Variants in MEI4 observed in about 807,000 individuals in gnomAD.
MEI4 encodes meiosis-specific protein MEI4.
In MEI4, 27 loss-of-function variants were observed where a neutral mutation model predicts 31.4. The ratio of observed to expected loss-of-function variants is 0.86; its 90% CI spans 0.63 to 1.19. The LOEUF (loss-of-function observed/expected upper bound fraction) is 1.19. Ranked by LOEUF, MEI4 falls within the 50% of genes most tolerant of loss-of-function variation. The probability of loss-of-function intolerance (pLI) is 0.00; values close to 1 mark genes in which losing one functional copy is unlikely to be tolerated. For missense variants in MEI4, 329 were observed against 398.9 expected (o/e 0.82, Z 1.49); for synonymous variants, 122 against 145.4 (o/e 0.84, Z 1.16).
rs368086628 is a variant in MEI4 at position 77,920,665 on chromosome 6, C to A, written c.901-2424C>A. Among the ~76,000 whole-genome samples, 6 of 151,906 alleles carry A rather than the reference C, an allele frequency of 3.9e-5. No individual in the cohort carries two copies. The East Asian group carries it at 1.2e-3, about 29-fold the overall frequency. On this transcript the variant is annotated intron_variant, in intron 4 of 4. Coordinates refer to ENST00000684080, the MANE Select transcript of MEI4 (RefSeq NM_001322247.2). ...GAATCAATATCCATGTTAGCTATAG[C>A]CTTATAAAATAAGTTTCTTAAATAA...
At chr6:77,826,379 C>T (rs1019860167) in intron 3 of MEI4, among the ~76,000 whole-genome samples, 2 of 152,168 alleles carry the variant, frequency 1.3e-5, no homozygotes, top group Admixed American at 6.5e-5. Context: ...GAGTAGGCTA[C>T]AGACTCCATA....
chr6:77,784,172 T>C (rs1018181770), intron 3 of MEI4, among the ~76,000 whole-genome samples: 33 of 152,186 alleles, frequency 2.2e-4, no homozygotes, highest in African/African-American at 7.7e-4. Context: ...CTAATGCTTA[T>C]TGTTCATGGA....
chr6:77,830,645 G>A (rs1770056057), intron 4 of MEI4, among the ~76,000 whole-genome samples: 1 of 152,012 alleles, frequency 6.6e-6, no homozygotes, highest in Non-Finnish European at 1.5e-5. Context: ...AAGGAGTTTT[G>A]CATTGGCCAA....
At chr6:77,715,932 T>C (rs1766572529) in intron 2 of MEI4, among the ~76,000 whole-genome samples, 1 of 152,262 alleles carries the variant, frequency 6.6e-6, no homozygotes, top group African/African-American at 2.4e-5. Context: ...GATATATTTT[T>C]ACACAGTTTT....
intron 2 of MEI4, among the ~76,000 whole-genome samples, chr6:77,738,445 C>T (rs1767312339): frequency 6.6e-6 from 1 of 152,064 alleles, no homozygotes; most frequent in African/African-American, 2.4e-5. Context: ...ATTAGTCTAG[C>T]TAGTGCTGTA....
At chr6:77,785,053 C>G (rs755024837) in intron 3 of MEI4, among the ~76,000 whole-genome samples, 2 of 152,048 alleles carry the variant, frequency 1.3e-5, no homozygotes, top group Non-Finnish European at 2.9e-5. Context: ...TCCCCGTCAG[C>G]TAATCATTTG....
chr6:77,732,559 C>G (rs1030429327), intron 2 of MEI4, among the ~76,000 whole-genome samples: 4 of 152,004 alleles, frequency 2.6e-5, no homozygotes, highest in African/African-American at 9.7e-5. Context: ...GATATACAAT[C>G]ATGTCATCTG....
At chr6:77,844,301 G>T (rs755412912) in intron 4 of MEI4, among the ~76,000 whole-genome samples, 1 of 152,038 alleles carries the variant, frequency 6.6e-6, no homozygotes, top group Non-Finnish European at 1.5e-5. Context: ...TCACAAAGCC[G>T]GTCCTAAAAT....
intron 2 of MEI4, among the ~76,000 whole-genome samples, chr6:77,716,268 A>G (rs931977874): frequency 1.3e-5 from 2 of 152,226 alleles, no homozygotes; most frequent in Admixed American, 1.3e-4. Context: ...AAGCATTTAA[A>G]TTAAAATCTG....
chr6:77,754,130 A>C (rs1049967884), intron 2 of MEI4, among the ~76,000 whole-genome samples: 1 of 152,234 alleles, frequency 6.6e-6, no homozygotes, highest in Middle Eastern at 3.4e-3. Flanking sequence ...GAGGGATGGC[A>C]TTAGGAGAAA....
At chr6:77,883,727 T>TAC (rs1562025089) in intron 4 of MEI4, among the ~76,000 whole-genome samples, 37 of 139,998 alleles carry the variant, frequency 2.6e-4, no homozygotes, top group African/African-American at 9.5e-4. Context: ...GATATATATA[T>TAC]ATATATATAT....
At chr6:77,873,884 T>G (rs1259718772) in intron 4 of MEI4, among the ~76,000 whole-genome samples, 1 of 152,210 alleles carries the variant, frequency 6.6e-6, no homozygotes, top group Non-Finnish European at 1.5e-5. Flanking sequence ...TTGCTTGTTT[T>G]TCTCAGGTTT....
At chr6:77,748,354 AT>A (rs1390183244) in intron 2 of MEI4, among the ~76,000 whole-genome samples, 2 of 152,192 alleles carry the variant, frequency 1.3e-5, no homozygotes, top group African/African-American at 4.8e-5. Context: ...TAACTGTTGA[AT>A]TCTGTGCAAC....
intron 4 of MEI4, among the ~76,000 whole-genome samples, chr6:77,865,138 T>C (rs1310101451): frequency 2.0e-5 from 3 of 151,998 alleles, no homozygotes; most frequent in Non-Finnish European, 4.4e-5. Flanking sequence ...AGAAAAGATC[T>C]AAAATTGACA....
intron 2 of MEI4, among the ~76,000 whole-genome samples, chr6:77,716,271 A>T (rs576818533): frequency 6.6e-6 from 1 of 152,356 alleles, no homozygotes; most frequent in African/African-American, 2.4e-5. Flanking sequence ...CATTTAAATT[A>T]AAATCTGAAG....
At position 77,736,592 on chromosome 6, in the gene MEI4, C is replaced by T. The variant is rs924762549; in HGVS notation, c.233-24538C>T. Among the ~76,000 whole-genome samples, 5 of 152,110 alleles carry T rather than the reference C, an allele frequency of 3.3e-5. No individual in the cohort carries two copies. The South Asian group carries it at 1.0e-3, about 31-fold the overall frequency. The stretch of plus-strand genomic sequence containing the variant: ...AGATGGAAATGCAGAAATCATTCGT[C>T]TTCTGCGTCGCTCATGCTGGGAGCT... On this transcript the variant is annotated intron_variant, in intron 2 of 4. Coordinates refer to ENST00000684080, the MANE Select transcript of MEI4 (RefSeq NM_001322247.2).
intron 4 of MEI4, among the ~76,000 whole-genome samples, chr6:77,892,510 C>T (rs1340083813): frequency 1.3e-5 from 2 of 152,010 alleles, no homozygotes; most frequent in South Asian, 2.1e-4. Flanking sequence ...TATCCCAGAA[C>T]CCCCTTAGGG....
chr6:77,713,904 G>GA (rs1766521973), intron 2 of MEI4, among the ~76,000 whole-genome samples: 1 of 150,990 alleles, frequency 6.6e-6, no homozygotes, highest in African/African-American at 2.4e-5. Flanking sequence ...TGCCTCTACA[G>GA]TTTTTTTTTC....
intron 4 of MEI4, among the ~76,000 whole-genome samples, chr6:77,921,296 G>GCTAT (rs1240930949): frequency 6.6e-5 from 10 of 151,948 alleles, no homozygotes; most frequent in South Asian, 4.1e-4. Flanking sequence ...ACCAGCCTCT[G>GCTAT]CTATCTATCT....
Sources: gnomAD v4.1 joint callset for allele counts (sites outside exome capture counted in the v4.1 genomes callset) on GRCh38, gnomAD v4.1.1 for gene constraint, MANE v1.5 for transcripts, NCBI Gene and HGNC (gene_info 2026-07-23, HGNC 2026-07-21) for gene names.